The following DPH6 variants were observed in gnomAD, a reference collection of about 807,000 sequenced individuals.
DPH6 encodes the protein diphthamine biosynthesis 6.
DPH6 carries 33 observed loss-of-function variants against 38.2 expected under a neutral mutation model. The ratio of observed to expected loss-of-function variants is 0.86; its 90% CI spans 0.65 to 1.15. The LOEUF is 1.15. Ranked by LOEUF, DPH6 falls within the 50% of genes most tolerant of loss-of-function variation. The pLI is 0.00. For missense variants in DPH6, 325 were observed against 320.0 expected (o/e 1.02, Z -0.12); for synonymous variants, 108 against 103.0 (o/e 1.05, Z -0.30).
intron 3 of DPH6, 118 bp downstream of exon 3, chr15:35,538,156 T>C (rs1187926947): frequency 4.4e-6 from 4 of 899,928 alleles, no homozygotes; most frequent in Non-Finnish European, 6.2e-6. Flanking sequence ...ACAAAATCCT[T>C]TTAAAGAATA....
At chr15:35,398,146 G>A (rs1427869164) in intron 6 of DPH6, among the ~76,000 whole-genome samples, 1 of 152,140 alleles carries the variant, frequency 6.6e-6, no homozygotes, top group Non-Finnish European at 1.5e-5. Flanking sequence ...CTTGTAGATA[G>A]GAGTGCCAGG....
intron 3 of DPH6, among the ~76,000 whole-genome samples, chr15:35,288,632 C>T (rs192665770): frequency 6.6e-6 from 1 of 152,112 alleles, no homozygotes; most frequent in African/African-American, 2.4e-5. Flanking sequence ...GTGACCTGCC[C>T]GTGGGACATG....
At chr15:35,473,189 A>G (rs755282718) in intron 3 of DPH6, among the ~76,000 whole-genome samples, 1 of 152,200 alleles carries the variant, frequency 6.6e-6, no homozygotes, top group Admixed American at 6.5e-5. Context: ...CTAATTAACA[A>G]ATGCTATGGA....
At chr15:35,312,112 T>G (rs893850713) in intron 3 of DPH6, among the ~76,000 whole-genome samples, 1 of 151,942 alleles carries the variant, frequency 6.6e-6, no homozygotes, top group African/African-American at 2.4e-5. Context: ...TTTTTTTAAA[T>G]GCTGAGATAA....
At chr15:35,222,209 C>A (rs2051447375) in intron 3 of DPH6, among the ~76,000 whole-genome samples, 1 of 152,208 alleles carries the variant, frequency 6.6e-6, no homozygotes. Flanking sequence ...GAATTACCCA[C>A]AATGCTCAAT....
chr15:35,479,350 G>A (rs963758859), intron 3 of DPH6, among the ~76,000 whole-genome samples: 4 of 151,994 alleles, frequency 2.6e-5, no homozygotes, highest in Admixed American at 6.6e-5. Context: ...TTTGATTCTC[G>A]ACACATTGAA....
intron 3 of DPH6, among the ~76,000 whole-genome samples, chr15:35,459,477 A>T (rs1326756332): frequency 1.3e-5 from 2 of 152,226 alleles, no homozygotes; most frequent in Non-Finnish European, 2.9e-5. Flanking sequence ...GCTTCAACAT[A>T]TGAATTTGGG....
chr15:35,432,271 T>C (rs1169911245), intron 5 of DPH6, among the ~76,000 whole-genome samples: 1 of 152,018 alleles, frequency 6.6e-6, no homozygotes, highest in Non-Finnish European at 1.5e-5. Flanking sequence ...CATGGAAGAG[T>C]ACATTATTGC....
chr15:35,538,372 G>A lies in DPH6; in HGVS notation c.214C>T (p.Arg72Ter), dbSNP rs371901885. ...TCCAAGCTCCTTCCTCTTATGGTTCGGCGATAGAGGGGAAGAGCCATTGCT... is the reference window on the plus strand; with the variant it reads ...TCCAAGCTCCTTCCTCTTATGGTTCAGCGATAGAGGGGAAGAGCCATTGCT... ...AEAMALPLYR[R>*]TIRGRSLDTR... The change falls in exon 3 of 9, where the codon CGA becomes TGA. Residue 72 changes from arginine to a stop codon, truncating the protein, a stop_gained. Coordinates refer to ENST00000256538, the MANE Select transcript of DPH6 (RefSeq NM_080650.4). LOFTEE classifies it high-confidence loss of function. 39 of 1,611,286 alleles carry A rather than the reference G, an allele frequency of 2.4e-5. No individual in the cohort carries two copies. The highest frequency in any genetic ancestry group is 4.5e-5 in the East Asian group (2 of 44,854).
chr15:35,296,285 T>C (rs1292931251), intron 3 of DPH6, among the ~76,000 whole-genome samples: 1 of 152,200 alleles, frequency 6.6e-6, no homozygotes, highest in Non-Finnish European at 1.5e-5. Flanking sequence ...GTTGGCCTTG[T>C]CATCACCAAT....
intron 4 of DPH6, among the ~76,000 whole-genome samples, chr15:35,452,477 C>G (rs2053947854): frequency 1.2e-5 from 1 of 80,206 alleles, no homozygotes; most frequent in Non-Finnish European, 2.9e-5. Context: ...CTTCTCTGGC[C>G]TATATTGATC....
intron 6 of DPH6, among the ~76,000 whole-genome samples, chr15:35,386,724 G>A (rs540026219): frequency 6.6e-6 from 1 of 151,230 alleles, no homozygotes; most frequent in African/African-American, 2.4e-5. Context: ...TGGGTTCATT[G>A]TAGATTCTGG....
chr15:35,446,508 T>C (rs2053855973), intron 5 of DPH6, among the ~76,000 whole-genome samples: 1 of 152,152 alleles, frequency 6.6e-6, no homozygotes, highest in South Asian at 2.1e-4. Flanking sequence ...CATGAGCCAC[T>C]GTACCTGGCC....
intron 3 of DPH6, among the ~76,000 whole-genome samples, chr15:35,280,373 G>A (rs374367623): frequency 6.6e-6 from 1 of 152,014 alleles, no homozygotes; most frequent in Non-Finnish European, 1.5e-5. Flanking sequence ...TAATATTGGA[G>A]GTTAGGGTAA....
rs563421457 is a variant in DPH6 at position 35,301,404 on chromosome 15, C to T, written n.200+72117G>A. On this transcript the variant is annotated intron_variant and non_coding_transcript_variant, in intron 3 of 3. Coordinates refer to the DPH6 transcript ENST00000560386. ...TTTAGCTAAGTCAGGTGGTAAAATA[C>T]GAAGAATAACATGAAAGAAAAATTA... is the stretch of plus-strand genomic sequence containing the variant. 2.0e-4 allele frequency among the ~76,000 whole-genome samples: 30 copies of T among 152,256 alleles called. No individual in the cohort carries two copies. The East Asian group carries it at 4.8e-3, about 24-fold the overall frequency.
chr15:35,373,398 C>T (rs2052738085), intron 8 of DPH6, 123 bp downstream of exon 8: 2 of 771,220 alleles, frequency 2.6e-6, no homozygotes, highest in African/African-American at 1.8e-5. Flanking sequence ...TGAAAAAAAA[C>T]CACTAATGAT....
At chr15:35,338,072 A>G (rs1394789109) in intron 3 of DPH6, among the ~76,000 whole-genome samples, 2 of 152,138 alleles carry the variant, frequency 1.3e-5, no homozygotes, top group African/African-American at 4.8e-5. Flanking sequence ...TAAAACCATA[A>G]AAACCCTAGA....
chr15:35,381,822 A>G lies in DPH6; in HGVS notation c.662T>C (p.Val221Ala). The stretch of plus-strand genomic sequence containing the variant: ...AGAAAATGCTGAAATGATATCTTAC[A>G]CAATTATTTTCTTCTTAAATAGAGG... ...DCPLFKKKII[V>A]DSSEVVIHSA... The change falls in exon 7 of 9, where the codon GTG becomes GCG. Residue 221 changes from valine (V) to alanine (A), a missense_variant and splice_region_variant. Val to Ala is a moderately conservative substitution (Grantham distance 64, BLOSUM62 0). Transcript: ENST00000256538. 1 of 1,604,936 alleles carries G rather than the reference A, an allele frequency of 6.2e-7. No homozygotes were observed. Among genetic ancestry groups the G allele is most frequent in the Non-Finnish European group, 8.5e-7 (1 of 1,172,634 alleles).
At chr15:35,167,526 A>T in the DPH6 span, among the ~76,000 whole-genome samples, 14 of 151,566 alleles carry the variant, frequency 9.2e-5, 1 homozygote, top group Admixed American at 4.0e-4. Context: ...CTACATTGCA[A>T]ATTATATGGT....
Sources: gnomAD v4.1 joint callset for allele counts (sites outside exome capture counted in the v4.1 genomes callset) on GRCh38, gnomAD v4.1.1 for gene constraint, MANE v1.5 for transcripts, NCBI Gene and HGNC (gene_info 2026-07-23, HGNC 2026-07-21) for gene names.